Variants in IFT57 observed in about 807,000 individuals in gnomAD.
IFT57 encodes intraflagellar transport protein 57 homolog.
A neutral mutation model predicts 56.8 loss-of-function variants in IFT57; 59 were observed. The observed-to-expected ratio is 1.04, with a 90% CI of 0.84 to 1.29. IFT57 has a LOEUF of 1.29. IFT57 is among the 50% of genes most tolerant of loss of function. The pLI is 0.00. For synonymous variants in IFT57, 209 were observed against 186.1 expected (o/e 1.12, Z -1.00); for missense variants, 470 against 522.1 (o/e 0.90, Z 0.97).
At chr3:108,170,989 T>C (rs1475174928) in intron 6 of IFT57, among the ~76,000 whole-genome samples, 1 of 151,936 alleles carries the variant, frequency 6.6e-6, no homozygotes, top group African/African-American at 2.4e-5. Context: ...TAAGTTAAAG[T>C]AAGTGATGCA....
intron 6 of IFT57, among the ~76,000 whole-genome samples, chr3:108,177,326 GA>G: frequency 6.6e-6 from 1 of 151,338 alleles, no homozygotes; most frequent in South Asian, 2.1e-4. Flanking sequence ...CCATACAATA[GA>G]AAAAAACGGA....
At chr3:108,202,596 T>C (rs1008113191) in intron 5 of IFT57, among the ~76,000 whole-genome samples, 1 of 152,200 alleles carries the variant, frequency 6.6e-6, no homozygotes, top group African/African-American at 2.4e-5. Flanking sequence ...TGGATTAGCC[T>C]TGAAGCCTAA....
chr3:108,162,387 A>T lies in IFT57; in HGVS notation c.*90T>A. 9.4e-7 allele frequency: 1 copy of T among 1,062,712 alleles called. No individual in the cohort carries two copies. 65.8% of individuals were successfully genotyped at this position (1,062,712 alleles called of 1,614,324 possible). A position where few individuals can be genotyped will look rare whatever the true frequency, so the allele number is the denominator to read the frequency against. Reference sequence around the variant, plus strand: ...GTATATGTAAAAAAATACCCATTGAACATAAAATTATGTTTTGAAATCTAT... The same window carrying T: ...GTATATGTAAAAAAATACCCATTGATCATAAAATTATGTTTTGAAATCTAT... On this transcript the variant is annotated 3_prime_UTR_variant, in exon 11 of 11. Transcript: ENST00000264538.
At chr3:108,162,748 C>A (rs1041781497) in intron 10 of IFT57, 93 bp from the exon 11 acceptor site, 10 of 1,025,882 alleles carry the variant, frequency 9.7e-6, no homozygotes, top group Admixed American at 3.5e-5. Context: ...TTGTCTTAAG[C>A]CCAAAATAGG....
At position 108,222,196 on chromosome 3, in the gene IFT57, C is replaced by A; in HGVS notation, c.127G>T (p.Val43Leu). ...AGCTTCTCCACCAAGTCCTCCATCA[C>A]CACGAACATGTGGTAGGCCGCGCCG... ...GPGAAYHMFV[V>L]MEDLVEKLKL... The change falls in exon 1 of 11, where the codon GTG becomes TTG. Residue 43 changes from valine to leucine, a missense_variant. Transcript: ENST00000264538. The A allele has an allele frequency of 1.2e-6, 2 of 1,614,170 alleles. No individual in the cohort carries two copies. Among genetic ancestry groups the A allele is most frequent in the Non-Finnish European group, 1.7e-6 (2 of 1,180,024 alleles).
chr3:108,166,434 A>G (rs1483000802), intron 8 of IFT57, among the ~76,000 whole-genome samples: 1 of 151,654 alleles, frequency 6.6e-6, no homozygotes. Context: ...CACATTCCTT[A>G]TTATGTGGTT....
At chr3:108,204,934 A>G (rs1011061144) in intron 5 of IFT57, among the ~76,000 whole-genome samples, 2 of 152,230 alleles carry the variant, frequency 1.3e-5, no homozygotes, top group African/African-American at 4.8e-5. Flanking sequence ...AATGTGTTTT[A>G]AAGTACTTGA....
At chr3:108,216,446 A>G (rs973860182) in intron 3 of IFT57, among the ~76,000 whole-genome samples, 7 of 152,196 alleles carry the variant, frequency 4.6e-5, no homozygotes, top group African/African-American at 7.2e-5. Flanking sequence ...TAGAATGGCT[A>G]TTACCCAACC....
intron 3 of IFT57, among the ~76,000 whole-genome samples, chr3:108,217,447 G>GT (rs1560129520): frequency 6.6e-6 from 1 of 151,888 alleles, no homozygotes; most frequent in Non-Finnish European, 1.5e-5. Context: ...ATTTAATAAA[G>GT]TATTATGGAC....
intron 4 of IFT57, 102 bp downstream of exon 4, chr3:108,213,829 T>A: frequency 1.5e-6 from 1 of 674,476 alleles, no homozygotes; most frequent in East Asian, 2.7e-5. Context: ...TTAGAAACAA[T>A]GAAATAAAAT....
At chr3:108,188,082 C>T (rs553945829) in intron 6 of IFT57, among the ~76,000 whole-genome samples, 8 of 151,808 alleles carry the variant, frequency 5.3e-5, no homozygotes, top group Non-Finnish European at 1.0e-4. Flanking sequence ...TGCTATCCTT[C>T]CCCCCTCCTC....
intron 5 of IFT57, among the ~76,000 whole-genome samples, chr3:108,195,155 G>A (rs2080236762): frequency 6.6e-6 from 1 of 152,004 alleles, no homozygotes; most frequent in African/African-American, 2.4e-5. Context: ...TTAAAAAATA[G>A]GCAAAAGATC....
intron 4 of IFT57, among the ~76,000 whole-genome samples, chr3:108,212,610 T>C (rs570522815): frequency 1.3e-5 from 2 of 152,308 alleles, no homozygotes; most frequent in South Asian, 4.1e-4. Flanking sequence ...ACCCAGCGCC[T>C]CAAGTATTCC....
intron 8 of IFT57, 40 bp downstream of exon 8, chr3:108,166,814 G>A: frequency 6.3e-7 from 1 of 1,579,170 alleles, no homozygotes; most frequent in African/African-American, 1.4e-5. Flanking sequence ...GTTTAGGGTT[G>A]TTAACTTGAA....
At chr3:108,210,351 T>TTTTTTTTTA (rs2080337205) in intron 4 of IFT57, among the ~76,000 whole-genome samples, 11 of 124,848 alleles carry the variant, frequency 8.8e-5, no homozygotes, top group South Asian at 2.6e-4. Flanking sequence ...TTTTTTTTTT[T>TTTTTTTTTA]GAGACAGAGT....
intron 5 of IFT57, among the ~76,000 whole-genome samples, chr3:108,196,091 A>T (rs2080243128): frequency 1.3e-5 from 2 of 152,182 alleles, no homozygotes; most frequent in African/African-American, 4.8e-5. Flanking sequence ...CTTGTATCAA[A>T]ATATCACATA....
Position 108,162,339 on chromosome 3 carries a change from A to G in IFT57, c.*138T>C. 1 of 558,790 alleles carries G rather than the reference A, an allele frequency of 1.8e-6. No individual in the cohort carries two copies. The highest frequency in any genetic ancestry group is 3.5e-5 in the Admixed American group (1 of 28,510). 34.6% of individuals were successfully genotyped at this position (558,790 alleles called of 1,614,324 possible). On this transcript the variant is annotated 3_prime_UTR_variant, in exon 11 of 11. Coordinates refer to ENST00000264538, the MANE Select transcript of IFT57 (RefSeq NM_018010.4). ...TGTAAAGGCTTTAACCATCATAATC[A>G]CCATGATATAATATGTGAGTATGTA...
intron 5 of IFT57, among the ~76,000 whole-genome samples, chr3:108,201,975 A>C (rs1336251944): frequency 6.6e-6 from 1 of 152,210 alleles, no homozygotes; most frequent in East Asian, 1.9e-4. Context: ...TTTCTTGCTA[A>C]GTAATTAAAA....
intron 5 of IFT57, among the ~76,000 whole-genome samples, chr3:108,204,999 T>C (rs1333657235): frequency 6.6e-6 from 1 of 152,208 alleles, no homozygotes; most frequent in Non-Finnish European, 1.5e-5. Flanking sequence ...AGTTTAGATT[T>C]AAATTTTAAC....
Sources: allele counts gnomAD v4.1 joint callset (sites outside exome capture counted in the v4.1 genomes callset), GRCh38; gene constraint gnomAD v4.1.1; transcripts MANE v1.5; gene names NCBI Gene and HGNC (gene_info 2026-07-23, HGNC 2026-07-21).